The following RBFOX1 variants were observed in gnomAD, a reference collection of about 807,000 sequenced individuals.
RBFOX1 encodes RNA binding protein fox-1 homolog 1.
A neutral mutation model predicts 57.7 loss-of-function variants in RBFOX1; 8 were observed. The observed-to-expected ratio is 0.14, with a 90% CI of 0.08 to 0.25. The LOEUF is 0.25. Ranked by LOEUF, RBFOX1 falls within the 10% of genes least tolerant of loss-of-function variation. The pLI, the probability that RBFOX1 is intolerant of heterozygous loss-of-function variation, is 1.00. For synonymous variants in RBFOX1, 326 were observed against 222.4 expected (o/e 1.47, Z -4.15); for missense variants, 611 against 548.5 (o/e 1.11, Z -1.14).
intron 1 of RBFOX1, among the ~76,000 whole-genome samples, chr16:5,307,332 C>A (rs1248104871): frequency 6.6e-6 from 1 of 152,220 alleles, no homozygotes; most frequent in Non-Finnish European, 1.5e-5. Context: ...TTCACACCCA[C>A]CTGCCCAGTA....
At chr16:6,907,505 C>G (rs570075585) in intron 3 of RBFOX1, among the ~76,000 whole-genome samples, 21 of 152,222 alleles carry the variant, frequency 1.4e-4, no homozygotes, top group African/African-American at 4.3e-4. Flanking sequence ...GGGGTGGTTC[C>G]TTCTGAAAAC....
At chr16:7,468,539 A>G (rs531410889) in intron 4 of RBFOX1, among the ~76,000 whole-genome samples, 4 of 149,330 alleles carry the variant, frequency 2.7e-5, no homozygotes, top group African/African-American at 9.9e-5. Context: ...TGAAGTTATT[A>G]ACACTGATAC....
chr16:6,331,202 G>C (rs1317011097), intron 2 of RBFOX1, among the ~76,000 whole-genome samples: 3 of 152,172 alleles, frequency 2.0e-5, no homozygotes, highest in Non-Finnish European at 4.4e-5. Context: ...TGTAATCCCA[G>C]CACTTCGGGA....
At chr16:7,299,618 C>T (rs1312806578) in intron 4 of RBFOX1, among the ~76,000 whole-genome samples, 1 of 152,198 alleles carries the variant, frequency 6.6e-6, no homozygotes, top group Non-Finnish European at 1.5e-5. Context: ...CCCTCTGACT[C>T]AGTGTGGAGT....
intron 3 of RBFOX1, among the ~76,000 whole-genome samples, chr16:6,970,208 C>A (rs900338665): frequency 1.3e-5 from 2 of 151,834 alleles, no homozygotes; most frequent in African/African-American, 2.4e-5. Context: ...AAACAAAAAA[C>A]CCCAAAATCA....
chr16:5,476,817 C>T (rs149080660), intron 2 of RBFOX1, among the ~76,000 whole-genome samples: 2 of 152,154 alleles, frequency 1.3e-5, no homozygotes, highest in Non-Finnish European at 2.9e-5. Context: ...AAATCCTTTC[C>T]TCAAGATGGC....
At chr16:5,552,057 A>T (rs558201041) in intron 2 of RBFOX1, among the ~76,000 whole-genome samples, 1 of 152,236 alleles carries the variant, frequency 6.6e-6, no homozygotes, top group African/African-American at 2.4e-5. Flanking sequence ...TCATCTAAGG[A>T]TATGCATAAT....
chr16:5,258,903 C>G (rs1195055772), intron 1 of RBFOX1, among the ~76,000 whole-genome samples: 1 of 150,630 alleles, frequency 6.6e-6, no homozygotes, highest in African/African-American at 2.4e-5. Context: ...GTGGCAAGAA[C>G]GAATCTCTGA....
chr16:6,683,400 T>C (rs1224783336), intron 3 of RBFOX1, among the ~76,000 whole-genome samples: 3 of 152,162 alleles, frequency 2.0e-5, no homozygotes, highest in Admixed American at 2.0e-4. Flanking sequence ...ACTGTCTTTA[T>C]TAGGAGATGC....
intron 3 of RBFOX1, among the ~76,000 whole-genome samples, chr16:6,806,836 A>ATATATATATATATATATATATATTTTTTT (rs754342591): frequency 2.2e-5 from 2 of 91,874 alleles, no homozygotes; most frequent in African/African-American, 4.1e-5. Context: ...ATATATATAT[A>ATATATATATATATATATATATATTTTTTT]TTTTTTTTTT....
At chr16:6,416,321 A>G (rs1321581323) in intron 2 of RBFOX1, among the ~76,000 whole-genome samples, 1 of 152,198 alleles carries the variant, frequency 6.6e-6, no homozygotes, top group East Asian at 1.9e-4. Flanking sequence ...GACAGTTTAG[A>G]TAGCTCAAGC....
intron 1 of RBFOX1, among the ~76,000 whole-genome samples, chr16:6,295,907 A>G (rs1179882318): frequency 6.6e-6 from 1 of 152,218 alleles, no homozygotes; most frequent in Non-Finnish European, 1.5e-5. Flanking sequence ...CTGGGCCACA[A>G]ACTAATCCAG....
intron 3 of RBFOX1, among the ~76,000 whole-genome samples, chr16:5,634,610 C>A (rs2048623935): frequency 6.6e-6 from 1 of 152,084 alleles, no homozygotes; most frequent in African/African-American, 2.4e-5. Context: ...TATTTCAGAT[C>A]ATTTAAGCTG....
At chr16:6,279,188 T>C (rs1372018080) in intron 1 of RBFOX1, among the ~76,000 whole-genome samples, 2 of 152,186 alleles carry the variant, frequency 1.3e-5, no homozygotes, top group African/African-American at 4.8e-5. Flanking sequence ...TGTATTAAGG[T>C]ACTTGAGTGG....
At chr16:6,216,856 CT>C (rs1472039274) in intron 1 of RBFOX1, among the ~76,000 whole-genome samples, 1 of 151,996 alleles carries the variant, frequency 6.6e-6, no homozygotes, top group African/African-American at 2.4e-5. Context: ...TTTTTGAAAA[CT>C]TTCCCTATTT....
chr16:6,231,258 G>GTA (rs2011167788), intron 1 of RBFOX1, among the ~76,000 whole-genome samples: 2 of 151,322 alleles, frequency 1.3e-5, no homozygotes, highest in African/African-American at 4.9e-5. Flanking sequence ...GTGTGTGTGT[G>GTA]TTCCTTATAA....
At chr16:5,548,170 AAAAAATATATATATATATATAT>A (rs1380604550) in intron 2 of RBFOX1, among the ~76,000 whole-genome samples, 5 of 40,714 alleles carry the variant, frequency 1.2e-4, no homozygotes, top group Non-Finnish European at 2.7e-4. Context: ...AAAAAAAAAA[AAAAAATATATATATATATATAT>A]ATATATATAT....
chr16:6,835,403 A>G (rs1261419617), intron 3 of RBFOX1, among the ~76,000 whole-genome samples: 3 of 152,190 alleles, frequency 2.0e-5, no homozygotes, highest in Non-Finnish European at 4.4e-5. Context: ...TTAAAGGGAC[A>G]CAAGATTCAG....
At chr16:5,692,461 ACT>A (rs1022780000) in intron 3 of RBFOX1, among the ~76,000 whole-genome samples, 63 of 151,994 alleles carry the variant, frequency 4.1e-4, no homozygotes, top group African/African-American at 1.4e-3. Context: ...CCCAACTGAG[ACT>A]CTGTGTATTA....
Sources: allele counts gnomAD v4.1 joint callset (sites outside exome capture counted in the v4.1 genomes callset), GRCh38; gene constraint gnomAD v4.1.1; transcripts MANE v1.5; gene names NCBI Gene and HGNC (gene_info 2026-07-23, HGNC 2026-07-21).